The following TSHZ2 variants were observed in gnomAD, a reference collection of about 807,000 sequenced individuals.
TSHZ2 encodes teashirt zinc finger homeobox 2, also known as teashirt homolog 2.
A neutral mutation model predicts 74.4 loss-of-function variants in TSHZ2; 21 were observed. The ratio of observed to expected loss-of-function variants is 0.28; its 90% CI spans 0.20 to 0.41. The LOEUF is 0.41. Ranked by LOEUF, TSHZ2 falls within the 10% of genes least tolerant of loss-of-function variation. TSHZ2 has a pLI of 1.00. For missense variants in TSHZ2, 1,244 were observed against 1,293.5 expected (o/e 0.96, Z 0.59); for synonymous variants, 540 against 515.3 (o/e 1.05, Z -0.65).
In TSHZ2 at chr20:53,306,152, G is replaced by A. The variant is rs549703398; in HGVS notation, c.*8+49581G>A. On this transcript the variant is annotated intron_variant, in intron 2 of 2. Coordinates refer to ENST00000371497, the MANE Select transcript of TSHZ2 (RefSeq NM_173485.6). ...GCCTCATCCCTTGTGCTTGCACCAC[G>A]GTCATACCATCATCCTTTCTCCGTG... is the stretch of plus-strand genomic sequence containing the variant. Among the ~76,000 whole-genome samples the A allele has an allele frequency of 1.1e-4, 16 of 152,126 alleles. No homozygotes were observed. In the South Asian group the frequency reaches 2.1e-3, roughly 20 times the overall value.
chr20:53,382,379 C>G (rs776905469), intron 2 of TSHZ2, among the ~76,000 whole-genome samples: 1 of 152,196 alleles, frequency 6.6e-6, no homozygotes, highest in Non-Finnish European at 1.5e-5. Context: ...AGTTCCATTC[C>G]TCTGCCCTCA....
At chr20:53,469,812 C>A (rs6126845) in intron 2 of TSHZ2, among the ~76,000 whole-genome samples, 4 of 46,890 alleles carry the variant, frequency 8.5e-5, no homozygotes, top group South Asian at 7.3e-4. Flanking sequence ...AAGGACCCAA[C>A]AAAGATAGAG....
Position 53,472,945 on chromosome 20 carries a change from C to G in TSHZ2, c.*9-14199C>G, listed in dbSNP as rs112688632. Among the ~76,000 whole-genome samples the G allele has an allele frequency of 2.3e-4, 35 of 151,862 alleles. No individual in the cohort carries two copies. The Middle Eastern group carries it at 0.01, about 44-fold the overall frequency. Reference sequence around the variant, plus strand: ...CTCTCACCCGAATACTGCGCTTTTCCGACGGGCTTAAAAAACGGCGCACCA... The same window carrying G: ...CTCTCACCCGAATACTGCGCTTTTCGGACGGGCTTAAAAAACGGCGCACCA... On this transcript the variant is annotated intron_variant, in intron 2 of 2. Coordinates refer to ENST00000371497, the MANE Select transcript of TSHZ2 (RefSeq NM_173485.6).
At chr20:53,014,195 CAGAGAGAGAGAGAG>C (rs10539599) in intron 1 of TSHZ2, among the ~76,000 whole-genome samples, 1 of 149,946 alleles carries the variant, frequency 6.7e-6, no homozygotes, top group Non-Finnish European at 1.5e-5. Flanking sequence ...CTTCATACGG[CAGAGAGAGAGAGAG>C]AGAGAGAGAG....
intron 1 of TSHZ2, among the ~76,000 whole-genome samples, chr20:53,051,314 G>A (rs1984451460): frequency 6.6e-6 from 1 of 152,174 alleles, no homozygotes; most frequent in African/African-American, 2.4e-5. Flanking sequence ...ACTCCAGCCT[G>A]GGTGACGGGA....
chr20:53,390,048 AG>A (rs1283764831), intron 2 of TSHZ2, among the ~76,000 whole-genome samples: 8 of 152,230 alleles, frequency 5.3e-5, no homozygotes, highest in African/African-American at 1.9e-4. Flanking sequence ...CTTTTGAGCC[AG>A]GGAATAGGGT....
intron 2 of TSHZ2, among the ~76,000 whole-genome samples, chr20:53,471,803 C>CTTTTTTTTT (rs58027394): frequency 1.1e-5 from 1 of 87,250 alleles, no homozygotes; most frequent in African/African-American, 4.4e-5. Flanking sequence ...CTTTTCTTTT[C>CTTTTTTTTT]TTTTTTTTTT....
intron 1 of TSHZ2, among the ~76,000 whole-genome samples, chr20:53,247,743 G>A (rs1237867023): frequency 2.0e-5 from 3 of 152,284 alleles, no homozygotes; most frequent in East Asian, 1.9e-4. Flanking sequence ...GTAGATTGGC[G>A]AAAACGATCC....
chr20:53,017,938 T>C (rs1380688771), intron 1 of TSHZ2, among the ~76,000 whole-genome samples: 1 of 152,188 alleles, frequency 6.6e-6, no homozygotes, highest in African/African-American at 2.4e-5. Context: ...CTGATCCAAA[T>C]AGATATTTTA....
rs978458651 is a variant in TSHZ2 at position 53,487,303 on chromosome 20, C to T, written c.*168C>T. On this transcript the variant is annotated 3_prime_UTR_variant, in exon 3 of 3. Coordinates refer to ENST00000371497, the MANE Select transcript of TSHZ2 (RefSeq NM_173485.6). ...AAAAAAAAAAAAAAAATCACCCCAG[C>T]CATTTCTCTTCATCCTCACTAACAA... The T allele has an allele frequency of 1.3e-5, 2 of 150,710 alleles. No homozygotes were observed. The highest frequency in any genetic ancestry group is 4.9e-5 in the African/African-American group (2 of 40,966). The allele number at this position is 150,710 out of a possible 1,614,324, so 9.3% of individuals were successfully genotyped here.
intron 2 of TSHZ2, among the ~76,000 whole-genome samples, chr20:53,469,906 G>A (rs1985742947): frequency 6.8e-6 from 1 of 147,730 alleles, no homozygotes; most frequent in Non-Finnish European, 1.5e-5. Flanking sequence ...AAGGAGGAAG[G>A]AAGGAAGGAA....
intron 2 of TSHZ2, among the ~76,000 whole-genome samples, chr20:53,381,224 CT>C (rs1456681569): frequency 1.1e-4 from 16 of 152,206 alleles, no homozygotes; most frequent in Non-Finnish European, 2.1e-4. Flanking sequence ...GGCCTCTCCA[CT>C]TTCTTTTCAC....
chr20:53,117,172 T>C (rs933815229), intron 1 of TSHZ2, among the ~76,000 whole-genome samples: 5 of 152,140 alleles, frequency 3.3e-5, no homozygotes, highest in African/African-American at 7.2e-5. Context: ...TACCAACCCA[T>C]TGGGAGTTAG....
intron 2 of TSHZ2, among the ~76,000 whole-genome samples, chr20:53,319,657 G>A (rs1703696547): frequency 6.6e-6 from 1 of 152,218 alleles, no homozygotes. Flanking sequence ...CAGAGGGGAC[G>A]GCTGTCCGGA....
intron 2 of TSHZ2, among the ~76,000 whole-genome samples, chr20:53,316,009 G>A (rs1979001296): frequency 6.6e-6 from 1 of 152,170 alleles, no homozygotes; most frequent in Admixed American, 6.5e-5. Flanking sequence ...AGACCCCTTG[G>A]AAGGGAATGG....
intron 2 of TSHZ2, among the ~76,000 whole-genome samples, chr20:53,454,158 T>G (rs2145790647): frequency 6.6e-6 from 1 of 152,324 alleles, no homozygotes; most frequent in East Asian, 1.9e-4. Context: ...CATCCAAGAT[T>G]AAGAACTGCT....
chr20:53,124,832 G>A (rs538396145), intron 1 of TSHZ2, among the ~76,000 whole-genome samples: 6 of 152,322 alleles, frequency 3.9e-5, no homozygotes, highest in East Asian at 1.9e-4. Flanking sequence ...CACAGCCAGG[G>A]AGTGGGCATA....
chr20:53,155,974 T>A (rs550753496), intron 1 of TSHZ2, among the ~76,000 whole-genome samples: 1 of 152,314 alleles, frequency 6.6e-6, no homozygotes, highest in South Asian at 2.1e-4. Context: ...AAGGAGGTTT[T>A]ACATATGTCT....
At chr20:53,133,434 T>C (rs150317471) in intron 1 of TSHZ2, among the ~76,000 whole-genome samples, 150 of 152,336 alleles carry the variant, frequency 9.8e-4, no homozygotes, top group African/African-American at 3.5e-3. Context: ...TCTGCCACTT[T>C]GGTAGGCATC....
Sources: allele counts gnomAD v4.1 joint callset (sites outside exome capture counted in the v4.1 genomes callset), GRCh38; gene constraint gnomAD v4.1.1; transcripts MANE v1.5; gene names NCBI Gene and HGNC (gene_info 2026-07-23, HGNC 2026-07-21).